The following PLCB1 variants were observed in gnomAD, a reference collection of about 807,000 sequenced individuals.
The protein encoded by PLCB1 is phospholipase C beta 1, also known as 1-phosphatidylinositol 4,5-bisphosphate phosphodiesterase beta-1.
PLCB1 carries 46 observed loss-of-function variants against 161.8 expected under a neutral mutation model. The observed-to-expected ratio is 0.28, with a 90% confidence interval of 0.22 to 0.36. The LOEUF is 0.36. Among genes scored for constraint, PLCB1 ranks in the 10% least tolerant of loss-of-function variants. The pLI, the probability that PLCB1 is intolerant of heterozygous loss-of-function variation, is 1.00. For synonymous variants in PLCB1, 517 were observed against 503.7 expected (o/e 1.03, Z -0.35); for missense variants, 1,016 against 1,472.5 (o/e 0.69, Z 5.07).
intron 31 of PLCB1, among the ~76,000 whole-genome samples, chr20:8,852,335 C>T (rs926212193): frequency 1.3e-5 from 2 of 152,224 alleles, no homozygotes; most frequent in Admixed American, 6.5e-5. Flanking sequence ...ACAAAACAAT[C>T]CTCCAGGACA....
At chr20:8,349,131 G>A (rs1027666496) in intron 2 of PLCB1, among the ~76,000 whole-genome samples, 1 of 152,030 alleles carries the variant, frequency 6.6e-6, no homozygotes, top group African/African-American at 2.4e-5. Flanking sequence ...TTGTGTAATA[G>A]TTCAATAGAA....
intron 9 of PLCB1, among the ~76,000 whole-genome samples, chr20:8,681,638 A>T (rs1350625053): frequency 6.6e-6 from 1 of 152,156 alleles, no homozygotes. Flanking sequence ...CAGTATGCAC[A>T]CTCATCCAGC....
intron 7 of PLCB1, chr20:8,652,092 A>C (rs967753636): frequency 6.6e-6 from 1 of 152,264 alleles, no homozygotes; most frequent in African/African-American, 2.4e-5. Context: ...GTAATTTTCT[A>C]AACAACTGGA....
At chr20:8,516,140 C>G (rs963638879) in intron 3 of PLCB1, among the ~76,000 whole-genome samples, 11 of 152,130 alleles carry the variant, frequency 7.2e-5, no homozygotes, top group Non-Finnish European at 1.3e-4. Context: ...CAAGCCCCTC[C>G]CACAACACGT....
chr20:8,527,244 A>T (rs2122903169), intron 3 of PLCB1, among the ~76,000 whole-genome samples: 1 of 152,268 alleles, frequency 6.6e-6, no homozygotes, highest in African/African-American at 2.4e-5. Context: ...AAATTCCTTA[A>T]ATAGCACCTA....
At chr20:8,733,083 T>A (rs1980358984) in intron 18 of PLCB1, among the ~76,000 whole-genome samples, 155 bp from the exon 19 acceptor site, 1 of 151,990 alleles carries the variant, frequency 6.6e-6, no homozygotes, top group Admixed American at 6.6e-5. Context: ...AGAGGTAATT[T>A]TTTTCTTATC....
At chr20:8,284,440 T>G (rs1600286432) in intron 2 of PLCB1, among the ~76,000 whole-genome samples, 1 of 152,262 alleles carries the variant, frequency 6.6e-6, no homozygotes, top group South Asian at 2.1e-4. Flanking sequence ...GTTTTATTTC[T>G]TTGTAAGAAA....
Position 8,697,630 on chromosome 20 carries a change from C to T in PLCB1, c.1014C>T (p.Gly338=), listed in dbSNP as rs760110304. 1 of 1,613,908 alleles carries T rather than the reference C, an allele frequency of 6.2e-7. No individual in the cohort carries two copies. Residue 338 remains glycine, a synonymous_variant, in exon 11 of 32, where the codon GGC becomes GGT. Transcript: ENST00000338037. ...NSSHNTYLTA[G]QLAGNSSVEM... is the part of the protein sequence containing the mutation. ...TGTTTTGTTGGTGTTTTATAGCTGG[C>T]CAACTGGCTGGAAACTCCTCTGTTG...
At chr20:8,647,879 G>A (rs1326056981) in intron 5 of PLCB1, 21 bp from the exon 6 acceptor site, 1 of 1,603,596 alleles carries the variant, frequency 6.2e-7, no homozygotes, top group African/African-American at 1.3e-5. Flanking sequence ...TCAAACCCTT[G>A]TTTTTCTGCT....
At chr20:8,285,912 A>C (rs1983096020) in intron 2 of PLCB1, among the ~76,000 whole-genome samples, 1 of 152,192 alleles carries the variant, frequency 6.6e-6, no homozygotes, top group Admixed American at 6.5e-5. Flanking sequence ...TATTTAGCTA[A>C]ATATTTATGT....
intron 2 of PLCB1, among the ~76,000 whole-genome samples, chr20:8,206,090 C>G (rs1978514032): frequency 6.6e-6 from 1 of 152,140 alleles, no homozygotes; most frequent in African/African-American, 2.4e-5. Flanking sequence ...AACTAACATC[C>G]TCCTACAGTA....
intron 26 of PLCB1, among the ~76,000 whole-genome samples, chr20:8,766,820 T>A (rs1982340694): frequency 1.3e-5 from 2 of 152,130 alleles, no homozygotes; most frequent in Admixed American, 1.3e-4. Context: ...CAGGTGATGC[T>A]GATTCTGCAG....
intron 27 of PLCB1, 61 bp downstream of exon 27, chr20:8,774,780 G>T (rs1425759917): frequency 2.9e-6 from 4 of 1,395,962 alleles, no homozygotes; most frequent in Non-Finnish European, 3.9e-6. Flanking sequence ...GGAAACTTTG[G>T]ATACTTTTGG....
chr20:8,263,162 T>A (rs555050913), intron 2 of PLCB1, among the ~76,000 whole-genome samples: 1 of 150,394 alleles, frequency 6.6e-6, no homozygotes, highest in South Asian at 2.1e-4. Context: ...AATGAATGAG[T>A]TAATATCTAT....
intron 4 of PLCB1, among the ~76,000 whole-genome samples, chr20:8,644,029 G>A (rs1285579954): frequency 4.6e-5 from 7 of 152,214 alleles, no homozygotes; most frequent in South Asian, 2.1e-4. Flanking sequence ...GCTCCTAGCC[G>A]CGAGTGATCT....
chr20:8,270,259 T>C (rs1405967710), intron 2 of PLCB1, among the ~76,000 whole-genome samples: 2 of 152,172 alleles, frequency 1.3e-5, no homozygotes, highest in African/African-American at 4.8e-5. Context: ...ACATTGACTT[T>C]CTTCATTTCT....
At chr20:8,686,211 C>G (rs1445278905) in intron 10 of PLCB1, among the ~76,000 whole-genome samples, 1 of 152,174 alleles carries the variant, frequency 6.6e-6, no homozygotes, top group Non-Finnish European at 1.5e-5. Context: ...CATTCTTTCT[C>G]ATCCAAGTTC....
intron 2 of PLCB1, among the ~76,000 whole-genome samples, chr20:8,172,004 T>G (rs2051737416): frequency 6.6e-6 from 1 of 152,160 alleles, no homozygotes; most frequent in African/African-American, 2.4e-5. Context: ...GCATTTTTTT[T>G]CAGTTATGTC....
chr20:8,863,912 A>T (rs988777662), intron 31 of PLCB1, among the ~76,000 whole-genome samples: 4 of 152,210 alleles, frequency 2.6e-5, no homozygotes, highest in Non-Finnish European at 4.4e-5. Context: ...GCAAGAACTC[A>T]TAGGTAAAGA....
Sources: allele counts gnomAD v4.1 joint callset (sites outside exome capture counted in the v4.1 genomes callset), GRCh38; gene constraint gnomAD v4.1.1; transcripts MANE v1.5; gene names NCBI Gene and HGNC (gene_info 2026-07-23, HGNC 2026-07-21).